Variants in FRY observed in about 807,000 individuals in gnomAD.
The protein encoded by FRY is FRY microtubule binding protein.
A neutral mutation model predicts 348.4 loss-of-function variants in FRY; 128 were observed. The observed-to-expected ratio is 0.37, with a 90% CI of 0.32 to 0.43. FRY has a LOEUF of 0.43. FRY is among the 20% of genes least tolerant of loss of function. The probability of loss-of-function intolerance (pLI) is 1.00; values close to 1 mark genes in which losing one functional copy is unlikely to be tolerated. For synonymous variants in FRY, 1,370 were observed against 1,374.7 expected (o/e 1.00, Z 0.08); for missense variants, 2,736 against 3,695.2 (o/e 0.74, Z 6.73).
chr13:32,261,529 G>T, intron 51 of FRY, 87 bp from the exon 52 acceptor site: 3 of 1,114,542 alleles, frequency 2.7e-6, no homozygotes, highest in Non-Finnish European at 4.1e-6. Flanking sequence ...GACAATATTT[G>T]TTCCCAAGCT....
Position 32,215,399 on chromosome 13 carries a change from A to G in FRY, c.4682+3017A>G, listed in dbSNP as rs577683348. The stretch of plus-strand genomic sequence containing the variant: ...TGATCACATCTACCCTGAAAAATGT[A>G]CATCTATTGTGTATTAATAAAAATT... On this transcript the variant is annotated intron_variant, in intron 35 of 60. Coordinates refer to ENST00000542859, the MANE Select transcript of FRY (RefSeq NM_023037.3). Among the ~76,000 whole-genome samples the G allele has an allele frequency of 2.0e-5, 3 of 152,354 alleles. No homozygotes were observed. The East Asian group carries it at 5.8e-4, about 29-fold the overall frequency.
At chr13:32,215,651 G>A (rs1566139542) in intron 35 of FRY, among the ~76,000 whole-genome samples, 1 of 152,152 alleles carries the variant, frequency 6.6e-6, no homozygotes, top group Non-Finnish European at 1.5e-5. Flanking sequence ...CTTACTGCGG[G>A]CTCAGCCTCC....
At chr13:32,268,636 G>A (rs1566182849) in intron 55 of FRY, among the ~76,000 whole-genome samples, 1 of 149,028 alleles carries the variant, frequency 6.7e-6, no homozygotes, top group Admixed American at 6.8e-5. Flanking sequence ...TATTTGGGGT[G>A]TTTTTTATTT....
rs563133959 is a variant in FRY at position 32,224,240 on chromosome 13, C to T, written c.4771C>T (p.Pro1591Ser). The T allele has an allele frequency of 6.2e-7, 1 of 1,613,896 alleles. No homozygotes were observed. Among genetic ancestry groups the T allele is most frequent in the East Asian group, 2.2e-5 (1 of 44,888 alleles). ...TTGTCTTTCTCACCCTCCAGATGAT[C>T]CAATTTCTCCCTACACGGGCTGGTT... is the stretch of plus-strand genomic sequence containing the variant. ...GGSYDEDKND[P>S]ISPYTGWLLT... is the part of the protein sequence containing the mutation. The change falls in exon 37 of 61, where the codon CCA becomes TCA. Residue 1591 changes from proline to serine, a missense_variant. Physicochemically the swap from Pro to Ser is moderately conservative, Grantham distance 74. Around this residue, in one of 9 missense-constraint regions of FRY, gnomAD observed 794 missense variants for 977.0 expected, o/e 0.81. Transcript: ENST00000542859.
At chr13:32,138,199 G>T (rs1481612885) in intron 11 of FRY, among the ~76,000 whole-genome samples, 2 of 150,686 alleles carry the variant, frequency 1.3e-5, no homozygotes, top group African/African-American at 4.9e-5. Flanking sequence ...AGTGTCATTT[G>T]TTAACTGGTC....
intron 2 of FRY, among the ~76,000 whole-genome samples, chr13:32,083,773 T>A (rs1469041022): frequency 6.6e-6 from 1 of 152,178 alleles, no homozygotes; most frequent in Non-Finnish European, 1.5e-5. Flanking sequence ...ACTGGGAACA[T>A]CGTTTCATCT....
chr13:32,204,311 T>G (rs1377328653), intron 31 of FRY, among the ~76,000 whole-genome samples: 1 of 130,432 alleles, frequency 7.7e-6, no homozygotes, highest in Non-Finnish European at 1.7e-5. Flanking sequence ...CCATCATCAT[T>G]GTTTTACAGA....
rs1363211784 is a variant in FRY, at chr13:32,298,516, A to G, written c.*3056A>G. On this transcript the variant is annotated 3_prime_UTR_variant, in exon 61 of 61. Transcript: ENST00000542859. ...TGTTTTAGAGGACACCGCAGCTATC[A>G]AGGCAGATGTGGTCCCTGTTCCCAT... 2.6e-5 allele frequency: 4 copies of G among 152,246 alleles called. No individual in the cohort carries two copies. The highest frequency in any genetic ancestry group is 9.6e-5 in the African/African-American group (4 of 41,466). 9.4% of individuals were successfully genotyped at this position (152,246 alleles called of 1,614,324 possible).
intron 51 of FRY, among the ~76,000 whole-genome samples, chr13:32,257,571 T>G (rs1887401553): frequency 6.6e-6 from 1 of 152,242 alleles, no homozygotes; most frequent in African/African-American, 2.4e-5. Flanking sequence ...GATGCCACCT[T>G]TATTTCCAGT....
chr13:32,038,243 G>A (rs987930784), intron 1 of FRY, among the ~76,000 whole-genome samples: 5 of 152,094 alleles, frequency 3.3e-5, no homozygotes, highest in East Asian at 1.9e-4. Flanking sequence ...AATAATCTTC[G>A]TCCATGGTAT....
intron 58 of FRY, among the ~76,000 whole-genome samples, chr13:32,279,980 G>T (rs1336676631): frequency 1.3e-5 from 2 of 152,232 alleles, no homozygotes; most frequent in Non-Finnish European, 2.9e-5. Context: ...GGGCATTGAA[G>T]TAGAGGTTGC....
rs1873049059 is a variant in FRY, at chr13:32,047,000, TA to T, written c.70+15141del. Among the ~76,000 whole-genome samples the T allele has an allele frequency of 1.3e-5, 2 of 152,158 alleles. 1 individual carries two copies. The highest frequency in any genetic ancestry group is 4.1e-4 in the South Asian group (2 of 4,828). On this transcript the variant is annotated intron_variant, in intron 1 of 60. Transcript: ENST00000542859. ...AGCAAGTTACTTAAATTCTGATTCC[TA>T]AAAAAGAGACTCTACCTGATGTGTA...
intron 1 of FRY, among the ~76,000 whole-genome samples, chr13:32,063,766 A>G (rs1874081775): frequency 6.6e-6 from 1 of 152,234 alleles, no homozygotes; most frequent in Non-Finnish European, 1.5e-5. Context: ...CGTTCTCAGC[A>G]GAAATGACAT....
intron 28 of FRY, among the ~76,000 whole-genome samples, chr13:32,193,447 G>A (rs139904587): frequency 0.017 from 2,600 of 151,778 alleles, 25 homozygotes; most frequent in Non-Finnish European, 0.027. Context: ...CTGCATGCAC[G>A]GTGGTAACAT....
intron 13 of FRY, among the ~76,000 whole-genome samples, chr13:32,148,683 CT>C (rs1255255331): frequency 6.6e-6 from 1 of 152,112 alleles, no homozygotes; most frequent in Non-Finnish European, 1.5e-5. Context: ...TTTTCTGTGT[CT>C]TTATCTGTAA....
chr13:32,110,778 TTC>T (rs1877902659), intron 3 of FRY, among the ~76,000 whole-genome samples: 1 of 152,222 alleles, frequency 6.6e-6, no homozygotes, highest in South Asian at 2.1e-4. Flanking sequence ...TACAATGTTT[TTC>T]TGTTTGAAGT....
At chr13:32,088,663 C>T (rs1876048931) in intron 2 of FRY, among the ~76,000 whole-genome samples, 1 of 108,860 alleles carries the variant, frequency 9.2e-6, no homozygotes. Flanking sequence ...AAATTTAATA[C>T]ACCACCATAG....
rs201462227 is a variant in FRY at position 32,204,464 on chromosome 13, G to GA, written c.4018+1937_4018+1938insA. 7.5e-3 allele frequency among the ~76,000 whole-genome samples: 1,138 copies of GA among 152,070 alleles called. 7 individuals are homozygous for GA. Among genetic ancestry groups the GA allele is most frequent in the African/African-American group, 0.026 (1,074 of 41,504 alleles). On this transcript the variant is annotated intron_variant, in intron 31 of 60. Transcript: ENST00000542859. ...AATTAGAACTCAGCCAAGGGGCAGG[G>GA]GAAAAAAAGCTCCTTTTCTAAACTT...
At chr13:32,068,476 G>C (rs1874398279) in intron 1 of FRY, among the ~76,000 whole-genome samples, 1 of 152,138 alleles carries the variant, frequency 6.6e-6, no homozygotes, top group African/African-American at 2.4e-5. Flanking sequence ...CATTCTTTCA[G>C]GCTCTGATGA....
Sources: gnomAD v4.1 joint callset for allele counts (sites outside exome capture counted in the v4.1 genomes callset) on GRCh38, gnomAD v4.1.1 for gene constraint, gnomAD v4.1.1 regional missense constraint, MANE v1.5 for transcripts, NCBI Gene and HGNC (gene_info 2026-07-23, HGNC 2026-07-21) for gene names.